Variants in MSH6 observed in about 807,000 individuals in gnomAD.
The protein encoded by MSH6 is mutS homolog 6, also known as DNA mismatch repair protein Msh6.
Under a neutral mutation model 119.1 loss-of-function variants are expected in MSH6, and 85 were observed. The ratio of observed to expected loss-of-function variants is 0.71; its 90% CI spans 0.60 to 0.85. MSH6 has a LOEUF of 0.85. MSH6 is among the 40% of genes least tolerant of loss of function. The pLI, the probability that MSH6 is intolerant of heterozygous loss-of-function variation, is 0.00. For missense variants in MSH6, 2,163 were observed against 1,655.3 expected, an observed-to-expected ratio of 1.31 and a Z score of -5.32; for synonymous variants, 830 against 586.9, an observed-to-expected ratio of 1.41 and a Z score of -5.99.
chr2:47,795,907 G>A lies in MSH6; in HGVS notation c.471G>A (p.Lys157=), dbSNP rs786202690. ...ATTTCTTTCTAGGTTCAAAATCAAAGGAAGCCCAGAAGGGAGGTCATTTTT... is the reference window on the plus strand; with the variant it reads ...ATTTCTTTCTAGGTTCAAAATCAAAAGAAGCCCAGAAGGGAGGTCATTTTT... ...LLKPYTGSKS[K]EAQKGGHFYS... Residue 157 remains lysine, a synonymous_variant, in exon 3 of 10, where the codon AAG becomes AAA. Coordinates refer to ENST00000234420, the MANE Select transcript of MSH6 (RefSeq NM_000179.3). 6.2e-7 allele frequency: 1 copy of A among 1,614,004 alleles called. No individual in the cohort carries two copies. Among genetic ancestry groups the A allele is most frequent in the Non-Finnish European group, 8.5e-7 (1 of 1,179,940 alleles).
chr2:47,783,180 G>T lies in MSH6; in HGVS notation c.-54G>T, dbSNP rs1303652063. The T allele has an allele frequency of 6.2e-7, 1 of 1,602,784 alleles. No homozygotes were observed. The highest frequency in any genetic ancestry group is 8.5e-7 in the Non-Finnish European group (1 of 1,176,112). On this transcript the variant is annotated 5_prime_UTR_variant, in exon 1 of 10. Coordinates refer to ENST00000234420, the MANE Select transcript of MSH6 (RefSeq NM_000179.3). ...CCAGCAGGAGCCGCGCGGTAGATGC[G>T]GTGCTTTTAGGAGCTCCGTCCGACA...
intron 5 of MSH6, among the ~76,000 whole-genome samples, chr2:47,803,936 C>G (rs1669790176): frequency 6.6e-6 from 1 of 152,166 alleles, no homozygotes; most frequent in Non-Finnish European, 1.5e-5. Flanking sequence ...GGCCCTTTGA[C>G]TTGAATTCAT....
chr2:47,790,898 C>A (rs2104096809), intron 1 of MSH6, 29 bp from the exon 2 acceptor site: 1 of 1,608,112 alleles, frequency 6.2e-7, no homozygotes, highest in Non-Finnish European at 8.5e-7. Context: ...CAAATATTAA[C>A]TAAGTTATGT....
downstream of MSH6, chr2:47,808,933 G>C (rs1405609512): frequency 5.0e-6 from 2 of 399,474 alleles, no homozygotes; most frequent in Non-Finnish European, 4.5e-6. Context: ...CTGGGCTCCA[G>C]TGATCCTCCC....
rs749012012 is a variant in MSH6 at position 47,799,488 on chromosome 2, T to C, written c.1505T>C (p.Ile502Thr). Reference sequence around the variant, plus strand: ...GCACGATGTAGAAAGATGGCACATATATCCAAGTATGATAGAGTGGTGAGG... The same window carrying C: ...GCACGATGTAGAAAGATGGCACATACATCCAAGTATGATAGAGTGGTGAGG... ...MEARCRKMAH[I>T]SKYDRVVRRE... Residue 502 changes from isoleucine (I) to threonine (T), a missense_variant, in exon 4 of 10, where the codon ATA becomes ACA. By Grantham distance (89) the Ile-to-Thr change is moderately conservative (BLOSUM62 -1). Coordinates refer to ENST00000234420, the MANE Select transcript of MSH6 (RefSeq NM_000179.3). 18 of 1,614,152 alleles carry C rather than the reference T, an allele frequency of 1.1e-5. 1 individual carries two copies. The South Asian group carries it at 1.5e-4, about 14-fold the overall frequency.
rs188928749 is a variant in MSH6, at chr2:47,789,924, G to A, written c.261-1003G>A. On this transcript the variant is annotated intron_variant, in intron 1 of 9. Transcript: ENST00000234420. ...TGCACCTTTAACCTCCCAGGCTCAA[G>A]CTGTCCTGCCTCGGCCTCCCCAAGT... Among the ~76,000 whole-genome samples the A allele has an allele frequency of 2.2e-3, 335 of 152,024 alleles. 2 individuals carry two copies. The highest frequency in any genetic ancestry group is 7.6e-3 in the African/African-American group (315 of 41,470).
chr2:47,799,184 G>A lies in MSH6; in HGVS notation c.1201G>A (p.Asp401Asn), dbSNP rs1669308138. The A allele has an allele frequency of 1.9e-6, 3 of 1,614,160 alleles. No homozygotes were observed. Residue 401 changes from aspartate (D) to asparagine (N), a missense_variant, in exon 4 of 10, where the codon GAT becomes AAT. Asp to Asn is a conservative substitution (Grantham distance 23). Transcript: ENST00000234420. Reference protein sequence around the residue: ...FDASTLYVPEDFLNSCTPGMR... With the variant: ...FDASTLYVPENFLNSCTPGMR... ...TGCATCTACACTCTATGTGCCTGAG[G>A]ATTTCCTCAATTCTTGTACTCCTGG... is the stretch of plus-strand genomic sequence containing the variant.
In MSH6 at chr2:47,806,666, A is replaced by ATAATGGAATTATAACTAACTGACCT. The variant is rs1553333775; in HGVS notation, c.4001+19_4001+43dup. On this transcript the variant is annotated intron_variant, in intron 9 of 9. Transcript: ENST00000234420. Reference sequence around the variant, plus strand: ...CGATTATTTCGGTAACTAACTAACTATAATGGAATTATAACTAACTGACCT... The same window carrying ATAATGGAATTATAACTAACTGACCT: ...CGATTATTTCGGTAACTAACTAACTATAATGGAATTATAACTAACTGACCTTAATGGAATTATAACTAACTGACCT... The ATAATGGAATTATAACTAACTGACCT allele has an allele frequency of 1.2e-6, 2 of 1,601,812 alleles. No homozygotes were observed. The highest frequency in any genetic ancestry group is 2.7e-5 in the African/African-American group (2 of 74,060).
chr2:47,808,205 A>G (rs1670357563), downstream of MSH6: 1 of 1,613,516 alleles, frequency 6.2e-7, no homozygotes, highest in Non-Finnish European at 8.5e-7. Flanking sequence ...CAGCTAATGT[A>G]CAAGGATTAG....
chr2:47,787,686 G>A (rs1341846947), intron 1 of MSH6, among the ~76,000 whole-genome samples: 2 of 152,080 alleles, frequency 1.3e-5, no homozygotes, highest in African/African-American at 4.8e-5. Context: ...GGCAGATCTC[G>A]GTTCACTGCA....
In MSH6 at chr2:47,783,267, C is replaced by A. The variant is rs587782084; in HGVS notation, c.34C>A (p.Pro12Thr). 4 of 1,612,232 alleles carry A rather than the reference C, an allele frequency of 2.5e-6. No homozygotes were observed. Among genetic ancestry groups the A allele is most frequent in the Non-Finnish European group, 3.4e-6 (4 of 1,179,610 alleles). ...SRQSTLYSFF[P>T]KSPALSDANK... ...ACAGAGCACCCTGTACAGCTTCTTC[C>A]CCAAGTCTCCGGCGCTGAGTGATGC... Residue 12 changes from proline to threonine, a missense_variant, in exon 1 of 10, where the codon CCC (proline) becomes ACC (threonine). Physicochemically the swap from Pro to Thr is conservative, Grantham distance 38 (BLOSUM62 -1). Coordinates refer to ENST00000234420, the MANE Select transcript of MSH6 (RefSeq NM_000179.3).
At position 47,800,170 on chromosome 2, in the gene MSH6, C is replaced by T. The variant is rs375610656; in HGVS notation, c.2187C>T (p.Ala729=). 3 of 1,614,030 alleles carry T rather than the reference C, an allele frequency of 1.9e-6. No homozygotes were observed. The highest frequency in any genetic ancestry group is 2.5e-6 in the Non-Finnish European group (3 of 1,180,022). Residue 729 remains alanine, a synonymous_variant, in exon 4 of 10, where the codon GCC becomes GCT. Coordinates refer to ENST00000234420, the MANE Select transcript of MSH6 (RefSeq NM_000179.3). The part of the protein sequence containing the change: ...TTRSGAIFTK[A]YQRMVLDAVT... ...GATCTGGTGCTATCTTCACCAAAGC[C>T]TATCAACGAATGGTGCTAGATGCAG...
rs786201760 is a variant in MSH6, at chr2:47,799,330, G to T, written c.1347G>T (p.Leu449=). The T allele has an allele frequency of 2.5e-6, 4 of 1,613,900 alleles. No homozygotes were observed. The highest frequency in any genetic ancestry group is 3.4e-6 in the Non-Finnish European group (4 of 1,180,024). The change falls in exon 4 of 10, where the codon CTG becomes CTT. Residue 449 remains leucine, a synonymous_variant. Coordinates refer to ENST00000234420, the MANE Select transcript of MSH6 (RefSeq NM_000179.3). ...TTATTGGAGTCAGTGAACTGGGGCT[G>T]GTATTCATGAAAGGCAACTGGGCCC... ...DALIGVSELG[L]VFMKGNWAHS...
Position 47,790,962 on chromosome 2 carries a change from A to G in MSH6, c.296A>G (p.Lys99Arg), listed in dbSNP as rs1668687042. 2.5e-6 allele frequency: 4 copies of G among 1,614,226 alleles called. No homozygotes were observed. The highest frequency in any genetic ancestry group is 3.4e-6 in the Non-Finnish European group (4 of 1,180,044). ...TCACCAGGAGATTTGGTTTGGGCCA[A>G]GATGGAGGGTTACCCCTGGTGGCCT... ...DFSPGDLVWA[K>R]MEGYPWWPCL... Residue 99 changes from lysine (K) to arginine (R), a missense_variant, in exon 2 of 10, where the codon AAG becomes AGG. Transcript: ENST00000234420.
chr2:47,806,072 C>T, intron 7 of MSH6, 132 bp from the exon 8 acceptor site: 3 of 870,152 alleles, frequency 3.4e-6, no homozygotes, highest in Non-Finnish European at 5.7e-6. Context: ...CTAAACAAGG[C>T]CTATTTATAG....
In MSH6 at chr2:47,790,678, TTC is replaced by T. The variant is rs149178357; in HGVS notation, c.261-247_261-246del. On this transcript the variant is annotated intron_variant, in intron 1 of 9. Transcript: ENST00000234420. The stretch of plus-strand genomic sequence containing the variant: ...TTCTGCCATGGTTTTTAAACTTTGA[TTC>T]TGAGAAAGTTTCTCACCCTAATAAC... Among the ~76,000 whole-genome samples the T allele has an allele frequency of 8.0e-3, 1,219 of 152,288 alleles. 24 individuals carry two copies. The highest frequency in any genetic ancestry group is 0.038 in the East Asian group (197 of 5,188).
In MSH6 at chr2:47,800,465, G is replaced by C. The variant is rs587781349; in HGVS notation, c.2482G>C (p.Val828Leu). ...GAGGCTACTCAGTAAAATTCATAATGTTGGGTCTCCCCTGAAGAGTCAGAA... is the reference window on the plus strand; with the variant it reads ...GAGGCTACTCAGTAAAATTCATAATCTTGGGTCTCCCCTGAAGAGTCAGAA... The part of the protein sequence containing the change: ...LERLLSKIHN[V>L]GSPLKSQNHP... Residue 828 changes from valine to leucine, a missense_variant, in exon 4 of 10, where the codon GTT (valine) becomes CTT (leucine). Physicochemically the swap from Val to Leu is conservative, Grantham distance 32 (BLOSUM62 1). Coordinates refer to ENST00000234420, the MANE Select transcript of MSH6 (RefSeq NM_000179.3). The C allele has an allele frequency of 6.2e-7, 1 of 1,613,750 alleles. No individual in the cohort carries two copies.
rs1060502942 is a variant in MSH6, at chr2:47,800,338, T to A, written c.2355T>A (p.His785Gln). Residue 785 changes from histidine to glutamine, a missense_variant, in exon 4 of 10, where the codon CAT becomes CAA. His to Gln is a conservative substitution (Grantham distance 24, BLOSUM62 0). Coordinates refer to ENST00000234420, the MANE Select transcript of MSH6 (RefSeq NM_000179.3). Reference protein sequence around the residue: ...KQWLCAPLCNHYAINDRLDAI... With the variant: ...KQWLCAPLCNQYAINDRLDAI... ...GGCTTTGTGCCCCACTCTGTAACCA[T>A]TATGCTATTAATGATCGTCTAGATG... The A allele has an allele frequency of 2.5e-6, 4 of 1,614,100 alleles. No individual in the cohort carries two copies. Among genetic ancestry groups the A allele is most frequent in the Non-Finnish European group, 2.5e-6 (3 of 1,180,002 alleles).
Position 47,804,940 on chromosome 2 carries a change from G to T in MSH6, c.3469G>T (p.Gly1157Cys), listed in dbSNP as rs587779264. The change falls in exon 6 of 10, where the codon GGT (glycine) becomes TGT (cysteine). Residue 1157 changes from glycine (G) to cysteine (C), a missense_variant. Transcript: ENST00000234420. ...AGLLAVMAQMGCYVPAEVCRL... is the reference protein window; with the variant it reads ...AGLLAVMAQMCCYVPAEVCRL... ...CTTATTAGCTGTAATGGCCCAGATG[G>T]GTTGTTACGTCCCTGCTGAAGTGTG... 6.2e-7 allele frequency: 1 copy of T among 1,614,096 alleles called. No homozygotes were observed. Among genetic ancestry groups the T allele is most frequent in the Non-Finnish European group, 8.5e-7 (1 of 1,180,006 alleles).
Sources: allele counts gnomAD v4.1 joint callset (sites outside exome capture counted in the v4.1 genomes callset), GRCh38; gene constraint gnomAD v4.1.1; transcripts MANE v1.5; gene names NCBI Gene and HGNC (gene_info 2026-07-23, HGNC 2026-07-21).